The following ARPP21 variants were observed in gnomAD, a reference collection of about 807,000 sequenced individuals.
ARPP21 encodes cAMP-regulated phosphoprotein 21.
In ARPP21, 69 loss-of-function variants were observed where a neutral mutation model predicts 113.2. That is an observed-to-expected ratio of 0.61 (90% CI 0.50 to 0.74). The LOEUF (loss-of-function observed/expected upper bound fraction) is 0.74. ARPP21 is among the 30% of genes least tolerant of loss of function. The pLI, the probability that ARPP21 is intolerant of heterozygous loss-of-function variation, is 0.00. For missense variants in ARPP21, 1,070 were observed against 1,037.4 expected, an observed-to-expected ratio of 1.03 and a Z score of -0.43; for synonymous variants, 368 against 375.5, an observed-to-expected ratio of 0.98 and a Z score of 0.23.
intron 5 of ARPP21, among the ~76,000 whole-genome samples, chr3:35,686,802 C>T (rs886585654): frequency 6.6e-6 from 1 of 151,528 alleles, no homozygotes; most frequent in Non-Finnish European, 1.5e-5. Flanking sequence ...ATAGGTTTTA[C>T]ATAAAACTGA....
At chr3:35,748,464 AAGAGAGAG>A (rs374023276) in intron 19 of ARPP21, among the ~76,000 whole-genome samples, 5 of 149,134 alleles carry the variant, frequency 3.4e-5, no homozygotes, top group Admixed American at 2.0e-4. Context: ...AAGAAAAAGA[AAGAGAGAG>A]AGGGAGAGAG....
chr3:35,642,513 G>A (rs1369474076), intron 1 of ARPP21: 2 of 152,082 alleles, frequency 1.3e-5, no homozygotes, highest in African/African-American at 4.8e-5. Flanking sequence ...TAGTTCAATA[G>A]GTGTTTTCGT....
intron 1 of ARPP21, chr3:35,642,550 A>G (rs1698493650): frequency 6.6e-6 from 1 of 152,180 alleles, no homozygotes; most frequent in South Asian, 2.1e-4. Flanking sequence ...TCTTAGAAAG[A>G]AGACTCAATA....
intron 14 of ARPP21, among the ~76,000 whole-genome samples, chr3:35,725,512 C>T (rs1032771832): frequency 1.2e-4 from 18 of 152,132 alleles, no homozygotes; most frequent in African/African-American, 4.3e-4. Context: ...TAGTCACTTC[C>T]TGAAGAAAAC....
chr3:35,746,907 A>C (rs2095091190), intron 19 of ARPP21, among the ~76,000 whole-genome samples: 1 of 152,226 alleles, frequency 6.6e-6, no homozygotes, highest in African/African-American at 2.4e-5. Context: ...TGTTGATTAA[A>C]TAGGACACCT....
chr3:35,699,412 GTGAGATTCTGGT>G (rs2085390677), intron 9 of ARPP21, among the ~76,000 whole-genome samples: 1 of 151,614 alleles, frequency 6.6e-6, no homozygotes, highest in Non-Finnish European at 1.5e-5. Flanking sequence ...ATACTTGAAG[GTGAGATTCTGGT>G]TGTGTATAAT....
chr3:35,682,908 T>C lies in ARPP21; in HGVS notation c.171+19T>C. 6.3e-7 allele frequency: 1 copy of C among 1,591,902 alleles called. No individual in the cohort carries two copies. Among genetic ancestry groups the C allele is most frequent in the Non-Finnish European group, 8.6e-7 (1 of 1,167,336 alleles). On this transcript the variant is annotated intron_variant, in intron 4 of 20. Transcript: ENST00000684406. ...ATCCAAGGTAGGGTTCTTAACATTCTAGGTAGACCTGATATCATGGGTATA... is the reference window on the plus strand; with the variant it reads ...ATCCAAGGTAGGGTTCTTAACATTCCAGGTAGACCTGATATCATGGGTATA...
chr3:35,665,799 G>A (rs1197425929), intron 1 of ARPP21, among the ~76,000 whole-genome samples: 3 of 152,120 alleles, frequency 2.0e-5, no homozygotes, highest in South Asian at 4.1e-4. Flanking sequence ...AGAGGGCAGG[G>A]CTGTACTCCA....
intron 19 of ARPP21, among the ~76,000 whole-genome samples, chr3:35,772,863 A>G (rs971716734): frequency 6.6e-6 from 1 of 152,216 alleles, no homozygotes; most frequent in Non-Finnish European, 1.5e-5. Context: ...GGTGTGTGCC[A>G]GAGTCTGGAT....
intron 19 of ARPP21, among the ~76,000 whole-genome samples, chr3:35,786,127 A>C (rs1346807240): frequency 6.6e-6 from 1 of 152,230 alleles, no homozygotes; most frequent in African/African-American, 2.4e-5. Context: ...ACAGAACAGT[A>C]CCTAATTATG....
chr3:35,783,489 A>T (rs2096568529), intron 19 of ARPP21, among the ~76,000 whole-genome samples: 1 of 151,402 alleles, frequency 6.6e-6, no homozygotes, highest in Admixed American at 6.6e-5. Flanking sequence ...TTCACATCCT[A>T]CATCTATCTC....
At chr3:35,745,841 C>A (rs2095005820) in intron 19 of ARPP21, among the ~76,000 whole-genome samples, 1 of 152,192 alleles carries the variant, frequency 6.6e-6, no homozygotes. Flanking sequence ...ACTGGCTCCA[C>A]CTACATTCCA....
At chr3:35,695,488 T>TCTTAAAACTTGAAAACCTCTTAAAA (rs1255110460) in intron 9 of ARPP21, among the ~76,000 whole-genome samples, 2 of 151,530 alleles carry the variant, frequency 1.3e-5, no homozygotes, top group Non-Finnish European at 3.0e-5. Context: ...ATCTCAGTCC[T>TCTTAAAACTTGAAAACCTCTTAAAA]CTTAAAACTT....
At chr3:35,768,419 G>A (rs1053674050) in intron 19 of ARPP21, among the ~76,000 whole-genome samples, 2 of 152,000 alleles carry the variant, frequency 1.3e-5, no homozygotes, top group Non-Finnish European at 2.9e-5. Flanking sequence ...TGGCTAACAC[G>A]GACATATAGT....
chr3:35,724,284 G>A (rs1052060206), intron 14 of ARPP21, among the ~76,000 whole-genome samples: 15 of 152,138 alleles, frequency 9.9e-5, no homozygotes, highest in African/African-American at 2.7e-4. Context: ...CCTCCTTACC[G>A]AAAGCACTTG....
chr3:35,783,607 C>T lies in ARPP21; in HGVS notation c.2138-8775C>T, dbSNP rs2096570504. ...CTTTTGCTTTCCAGTAGACTTTCTA[C>T]TTCCAGTTATACAACCCCACATTGT... On this transcript the variant is annotated intron_variant, in intron 19 of 20. Coordinates refer to ENST00000684406, the MANE Select transcript of ARPP21 (RefSeq NM_001385562.1). Among the ~76,000 whole-genome samples, 4 of 152,216 alleles carry T rather than the reference C, an allele frequency of 2.6e-5. No homozygotes were observed. The South Asian group carries it at 8.3e-4, about 32-fold the overall frequency.
At chr3:35,728,377 C>A (rs1406050753) in intron 14 of ARPP21, among the ~76,000 whole-genome samples, 2 of 151,554 alleles carry the variant, frequency 1.3e-5, no homozygotes, top group Non-Finnish European at 2.9e-5. Context: ...TGCCACCACG[C>A]CCAGCTAATT....
At chr3:35,733,779 AT>A (rs2094160142) in intron 15 of ARPP21, among the ~76,000 whole-genome samples, 1 of 151,984 alleles carries the variant, frequency 6.6e-6, no homozygotes, top group African/African-American at 2.4e-5. Flanking sequence ...ATAAAAATCA[AT>A]TTTTTGTACT....
intron 19 of ARPP21, among the ~76,000 whole-genome samples, chr3:35,769,063 T>G (rs2096095748): frequency 6.6e-6 from 1 of 152,210 alleles, no homozygotes; most frequent in African/African-American, 2.4e-5. Flanking sequence ...TCTCACTCTC[T>G]GTCTATACAT....
Sources: gnomAD v4.1 joint callset for allele counts (sites outside exome capture counted in the v4.1 genomes callset) on GRCh38, gnomAD v4.1.1 for gene constraint, MANE v1.5 for transcripts, NCBI Gene and HGNC (gene_info 2026-07-23, HGNC 2026-07-21) for gene names.